Variants in ZBTB7C observed in about 807,000 individuals in gnomAD.
ZBTB7C encodes the protein zinc finger and BTB domain containing 7C.
ZBTB7C carries 8 observed loss-of-function variants against 25.7 expected under a neutral mutation model. The ratio of observed to expected loss-of-function variants is 0.31; its 90% confidence interval spans 0.18 to 0.56. The LOEUF (loss-of-function observed/expected upper bound fraction) is 0.56. Ranked by LOEUF, ZBTB7C falls within the 20% of genes least tolerant of loss-of-function variation. The probability of loss-of-function intolerance (pLI) is 0.91; values close to 1 mark genes in which losing one functional copy is unlikely to be tolerated. For missense variants in ZBTB7C, 824 were observed against 855.2 expected (o/e 0.96, Z 0.46); for synonymous variants, 394 against 369.0 (o/e 1.07, Z -0.78).
intron 2 of ZBTB7C, among the ~76,000 whole-genome samples, chr18:48,298,469 A>G (rs181234259): frequency 2.0e-5 from 3 of 152,078 alleles, no homozygotes; most frequent in East Asian, 1.9e-4. Flanking sequence ...AGGCTGCCCC[A>G]TCTTGACGCC....
intron 3 of ZBTB7C, among the ~76,000 whole-genome samples, chr18:48,144,418 A>G (rs2040440579): frequency 6.6e-6 from 1 of 152,094 alleles, no homozygotes; most frequent in African/African-American, 2.4e-5. Context: ...AACAGGGCTC[A>G]TTGCAGCCTC....
At chr18:48,245,078 TAG>T (rs1568327110) in intron 2 of ZBTB7C, among the ~76,000 whole-genome samples, 1 of 58,802 alleles carries the variant, frequency 1.7e-5, no homozygotes, top group African/African-American at 8.8e-5. Context: ...GAAAAAAAAG[TAG>T]TGTGTGTGTG....
At chr18:48,114,290 G>A (rs1053679780) in intron 3 of ZBTB7C, among the ~76,000 whole-genome samples, 22 of 152,158 alleles carry the variant, frequency 1.4e-4, no homozygotes, top group Non-Finnish European at 2.8e-4. Flanking sequence ...TCGGACATGA[G>A]CTCCAGGAGA....
intron 2 of ZBTB7C, among the ~76,000 whole-genome samples, chr18:48,280,329 G>C (rs1417400000): frequency 6.6e-6 from 1 of 152,044 alleles, no homozygotes; most frequent in African/African-American, 2.4e-5. Context: ...AAGTTCTTAT[G>C]TCAGGGCCAC....
intron 2 of ZBTB7C, among the ~76,000 whole-genome samples, chr18:48,227,063 A>G (rs1391744108): frequency 6.6e-6 from 1 of 150,492 alleles, no homozygotes; most frequent in East Asian, 2.0e-4. Flanking sequence ...AAAAAAAAAG[A>G]GTTAGCTATA....
intron 3 of ZBTB7C, among the ~76,000 whole-genome samples, chr18:48,095,567 C>T (rs1375615208): frequency 6.6e-6 from 1 of 151,942 alleles, no homozygotes; most frequent in Non-Finnish European, 1.5e-5. Flanking sequence ...CAAAAATTAG[C>T]CAGGGGTGGT....
rs769022443 is a variant in ZBTB7C at position 48,139,263 on chromosome 18, G to A, written c.-17+46671C>T. 2.0e-5 allele frequency among the ~76,000 whole-genome samples: 3 copies of A among 152,142 alleles called. No individual in the cohort carries two copies. The South Asian group carries it at 6.2e-4, about 32-fold the overall frequency. ...CACTCAGTAGTTAAGAAAACAGGAGGGGGTCTATGAGGTAGAGCCAGTTTA... is the reference window on the plus strand; with the variant it reads ...CACTCAGTAGTTAAGAAAACAGGAGAGGGTCTATGAGGTAGAGCCAGTTTA... On this transcript the variant is annotated intron_variant, in intron 3 of 4. Transcript: ENST00000590800.
chr18:48,350,942 T>C (rs1358406628), intron 1 of ZBTB7C, among the ~76,000 whole-genome samples: 1 of 152,018 alleles, frequency 6.6e-6, no homozygotes, highest in Non-Finnish European at 1.5e-5. Context: ...CTCCTGCTGA[T>C]GGACTCTTAA....
intron 2 of ZBTB7C, among the ~76,000 whole-genome samples, chr18:48,233,527 G>C (rs970153464): frequency 2.6e-5 from 4 of 152,214 alleles, no homozygotes; most frequent in Non-Finnish European, 5.9e-5. Context: ...GAATCAGTCA[G>C]TGCTATCTTA....
chr18:48,349,735 G>A (rs973681459), intron 1 of ZBTB7C, among the ~76,000 whole-genome samples: 9 of 152,122 alleles, frequency 5.9e-5, no homozygotes, highest in African/African-American at 2.2e-4. Flanking sequence ...GGTCCATTAG[G>A]GCCCAAGATG....
chr18:48,050,110 C>A (rs917099189), intron 3 of ZBTB7C, among the ~76,000 whole-genome samples: 1 of 152,178 alleles, frequency 6.6e-6, no homozygotes, highest in South Asian at 2.1e-4. Context: ...CGGCTACCTG[C>A]GTTCTTTGAG....
At chr18:48,127,231 C>T (rs570165433) in intron 3 of ZBTB7C, among the ~76,000 whole-genome samples, 1 of 152,294 alleles carries the variant, frequency 6.6e-6, no homozygotes, top group Admixed American at 6.5e-5. Context: ...GGCCCTGATT[C>T]CAGAGCCTAT....
At chr18:48,401,116 C>G (rs975733639) in intron 1 of ZBTB7C, among the ~76,000 whole-genome samples, 1 of 152,192 alleles carries the variant, frequency 6.6e-6, no homozygotes, top group Non-Finnish European at 1.5e-5. Flanking sequence ...GCTAATTCTA[C>G]CTGCATGTGA....
In ZBTB7C at chr18:48,333,529, T is replaced by C. The variant is rs375948430; in HGVS notation, c.-79+4645A>G. Among the ~76,000 whole-genome samples the C allele has an allele frequency of 7.8e-4, 119 of 152,362 alleles. 1 individual carries two copies. Among genetic ancestry groups the C allele is most frequent in the African/African-American group, 2.6e-3 (109 of 41,580 alleles). On this transcript the variant is annotated intron_variant, in intron 2 of 4. Coordinates refer to ENST00000590800, the MANE Select transcript of ZBTB7C (RefSeq NM_001318841.2). ...CTTAAAAGAACTGCACTGGGTCACA[T>C]AGCAAACTAAGAAAAAGCCAGGTCA... is the stretch of plus-strand genomic sequence containing the variant.
intron 3 of ZBTB7C, among the ~76,000 whole-genome samples, chr18:48,098,523 G>C (rs1474203856): frequency 1.3e-5 from 2 of 152,248 alleles, no homozygotes; most frequent in East Asian, 3.9e-4. Flanking sequence ...TTCCAGGACT[G>C]GCTTTGTCAC....
In ZBTB7C at chr18:48,040,712, G is replaced by T; in HGVS notation, c.396C>A (p.Asp132Glu). 7 of 1,428,508 alleles carry T rather than the reference G, an allele frequency of 4.9e-6. No homozygotes were observed. Among genetic ancestry groups the T allele is most frequent in the Non-Finnish European group, 6.9e-6 (7 of 1,014,818 alleles). The allele number at this position is 1,428,508 out of a possible 1,614,324, so 88.5% of individuals were successfully genotyped here. A position where few individuals can be genotyped will look rare whatever the true frequency, so the allele number is the denominator to read the frequency against. ...CCTCCTTGTCATCCTCCTCCCCCCCGTCCCCCCCAGGCTCCATGATCTCCA... is the reference window on the plus strand; with the variant it reads ...CCTCCTTGTCATCCTCCTCCCCCCCTTCCCCCCCAGGCTCCATGATCTCCA... The part of the protein sequence containing the change: ...VCLEIMEPGG[D>E]GGEEDDKEDD... The change falls in exon 4 of 5, where the codon GAC becomes GAA. Residue 132 changes from aspartate (D) to glutamate (E), a missense_variant. By Grantham distance (45) the Asp-to-Glu change is conservative (BLOSUM62 2). Around this residue, in one of 4 missense-constraint regions of ZBTB7C, gnomAD observed 316 missense variants for 299.2 expected, o/e 1.06. Coordinates refer to ENST00000590800, the MANE Select transcript of ZBTB7C (RefSeq NM_001318841.2).
At chr18:48,350,012 T>C (rs1278118448) in intron 1 of ZBTB7C, among the ~76,000 whole-genome samples, 2 of 152,152 alleles carry the variant, frequency 1.3e-5, no homozygotes, top group African/African-American at 4.8e-5. Flanking sequence ...CTGAAATGAG[T>C]GCGTTTCCTC....
At chr18:48,096,569 G>T (rs1200440947) in intron 3 of ZBTB7C, among the ~76,000 whole-genome samples, 2 of 152,154 alleles carry the variant, frequency 1.3e-5, no homozygotes, top group Non-Finnish European at 2.9e-5. Flanking sequence ...GCTGGATATC[G>T]AACTAATGTG....
At chr18:48,169,019 C>A (rs562854870) in intron 3 of ZBTB7C, among the ~76,000 whole-genome samples, 1 of 152,216 alleles carries the variant, frequency 6.6e-6, no homozygotes, top group Non-Finnish European at 1.5e-5. Context: ...TGCAACTGGT[C>A]TGGGGCACTT....
Sources: allele counts gnomAD v4.1 joint callset (sites outside exome capture counted in the v4.1 genomes callset), GRCh38; gene constraint gnomAD v4.1.1; regional missense constraint gnomAD v4.1.1; transcripts MANE v1.5; gene names NCBI Gene and HGNC (gene_info 2026-07-23, HGNC 2026-07-21).